The following DCLK1 variants were observed in gnomAD, a reference collection of about 807,000 sequenced individuals.
The protein encoded by DCLK1 is doublecortin like kinase 1, also known as serine/threonine-protein kinase DCLK1.
DCLK1 carries 16 observed loss-of-function variants against 86.2 expected under a neutral mutation model. That is an observed-to-expected ratio of 0.19 (90% CI 0.13 to 0.28). DCLK1 has a LOEUF of 0.28. Among genes scored for constraint, DCLK1 ranks in the 10% least tolerant of loss-of-function variants. The pLI, the probability that DCLK1 is intolerant of heterozygous loss-of-function variation, is 1.00. For synonymous variants in DCLK1, 369 were observed against 370.5 expected, an observed-to-expected ratio of 1.00 and a Z score of 0.05; for missense variants, 590 against 940.2, an observed-to-expected ratio of 0.63 and a Z score of 4.87.
At chr13:35,891,007 GT>G (rs1215289188) in intron 4 of DCLK1, among the ~76,000 whole-genome samples, 1 of 150,700 alleles carries the variant, frequency 6.6e-6, no homozygotes. Context: ...TTTTTATAGT[GT>G]TTTGTCATAT....
At position 35,979,661 on chromosome 13, in the gene DCLK1, G is replaced by A. The variant is rs573122367; in HGVS notation, c.724-32204C>T. On this transcript the variant is annotated intron_variant, in intron 3 of 16. Transcript: ENST00000360631. ...CAGTCAAGTGCTGATGATTCACTGC[G>A]AACAAATCCCAGTGGCGAAAGGCCA... Among the ~76,000 whole-genome samples the A allele has an allele frequency of 2.8e-4, 42 of 152,240 alleles. No individual in the cohort carries two copies. In the South Asian group the frequency reaches 7.3e-3, roughly 26 times the overall value.
chr13:36,109,299 G>A (rs2138184453), intron 3 of DCLK1, among the ~76,000 whole-genome samples: 1 of 152,330 alleles, frequency 6.6e-6, no homozygotes, highest in African/African-American at 2.4e-5. Flanking sequence ...AAAGGACAGA[G>A]CAGAAATGTT....
At position 35,839,188 on chromosome 13, in the gene DCLK1, C is replaced by G; in HGVS notation, c.1036-12G>C. On this transcript the variant is annotated splice_polypyrimidine_tract_variant and intron_variant, in intron 6 of 16. Coordinates refer to ENST00000360631, the MANE Select transcript of DCLK1 (RefSeq NM_001330071.2). Reference sequence around the variant, plus strand: ...CCATGCTGAGAGCTCTGTAGGGGAACAGAAACCGGTAATTCAAAAACTGGG... The same window carrying G: ...CCATGCTGAGAGCTCTGTAGGGGAAGAGAAACCGGTAATTCAAAAACTGGG... 2 of 1,566,664 alleles carry G rather than the reference C, an allele frequency of 1.3e-6. No individual in the cohort carries two copies. The highest frequency in any genetic ancestry group is 2.4e-5 in the South Asian group (2 of 85,016).
intron 3 of DCLK1, among the ~76,000 whole-genome samples, chr13:36,037,853 TA>T (rs1446818898): frequency 6.6e-6 from 1 of 152,018 alleles, no homozygotes; most frequent in South Asian, 2.1e-4. Context: ...ATGTATCAAT[TA>T]AAAAAAGAAA....
chr13:35,850,901 A>G lies in DCLK1; in HGVS notation c.1035+3598T>C, dbSNP rs562841478. The G allele has an allele frequency of 6.3e-5, 46 of 733,416 alleles. No homozygotes were observed. In the African/African-American group the frequency reaches 7.8e-4, roughly 12 times the overall value. The allele number at this position is 733,416 out of a possible 1,614,324, so 45.4% of individuals were successfully genotyped here. On this transcript the variant is annotated intron_variant, in intron 6 of 16. Transcript: ENST00000360631. ...TATTATTAGACCTTTTCAAGTCACC[A>G]ACTTGGATTAGGAGGAAAGATAATA...
chr13:35,795,663 G>T (rs2086793246), intron 15 of DCLK1, among the ~76,000 whole-genome samples: 1 of 152,158 alleles, frequency 6.6e-6, no homozygotes, highest in African/African-American at 2.4e-5. Context: ...GCTCACATCT[G>T]TAATCTCAGC....
intron 4 of DCLK1, among the ~76,000 whole-genome samples, chr13:35,919,146 C>T (rs1411795105): frequency 6.6e-6 from 1 of 152,124 alleles, no homozygotes; most frequent in East Asian, 1.9e-4. Flanking sequence ...CCTGCCTCAG[C>T]CTCCCAAAGT....
At chr13:36,029,520 A>C (rs190362530) in intron 3 of DCLK1, among the ~76,000 whole-genome samples, 2 of 152,254 alleles carry the variant, frequency 1.3e-5, no homozygotes, top group African/African-American at 4.8e-5. Context: ...TGCCAAGGTA[A>C]ATTCAATGCA....
chr13:36,105,882 T>C (rs1410202192), intron 3 of DCLK1, among the ~76,000 whole-genome samples: 2 of 152,150 alleles, frequency 1.3e-5, no homozygotes, highest in Non-Finnish European at 2.9e-5. Flanking sequence ...CATCCCAACA[T>C]GCTCCTGCCA....
intron 3 of DCLK1, among the ~76,000 whole-genome samples, chr13:36,099,662 A>G (rs1465383678): frequency 1.3e-5 from 2 of 152,214 alleles, no homozygotes; most frequent in Admixed American, 1.3e-4. Flanking sequence ...TTTAAACATT[A>G]AAAGACATTT....
rs1165437069 is a variant in DCLK1, at chr13:36,126,112, A to G, written c.26T>C (p.Leu9Pro). ...CTTATCCCGCTCGTCGAAGTGCTCC[A>G]GCTCCATGTCTCTGCCGAAGGACAT... The part of the protein sequence containing the change: MSFGRDME[L>P]EHFDERDKAQ... Residue 9 changes from leucine to proline, a missense_variant, in exon 2 of 17, where the codon CTG becomes CCG. This residue lies in a region of DCLK1 where 50 missense variants were observed against 47.8 expected (regional missense o/e 1.05). Coordinates refer to ENST00000360631, the MANE Select transcript of DCLK1 (RefSeq NM_001330071.2). 3.7e-6 allele frequency: 6 copies of G among 1,602,030 alleles called. No homozygotes were observed. Among genetic ancestry groups the G allele is most frequent in the Non-Finnish European group, 5.1e-6 (6 of 1,174,338 alleles).
chr13:35,854,648 T>G, intron 5 of DCLK1, 55 bp from the exon 6 acceptor site: 1 of 1,437,720 alleles, frequency 7.0e-7, no homozygotes, highest in East Asian at 2.4e-5. Flanking sequence ...ATAATTTTCA[T>G]GACAAATCAT....
At chr13:36,035,836 T>C (rs1374127848) in intron 3 of DCLK1, among the ~76,000 whole-genome samples, 1 of 152,194 alleles carries the variant, frequency 6.6e-6, no homozygotes, top group African/African-American at 2.4e-5. Context: ...ACATAAGTTT[T>C]AGGGCAATTT....
intron 4 of DCLK1, among the ~76,000 whole-genome samples, chr13:35,907,493 C>T (rs913332626): frequency 7.2e-5 from 11 of 152,168 alleles, no homozygotes; most frequent in Non-Finnish European, 1.5e-4. Context: ...AACTCCCAAG[C>T]TTCCCTTTTT....
chr13:35,905,437 G>A (rs1221572931), intron 4 of DCLK1, among the ~76,000 whole-genome samples: 7 of 152,292 alleles, frequency 4.6e-5, no homozygotes, highest in Non-Finnish European at 1.0e-4. Flanking sequence ...GCCAGGAGGC[G>A]CACAGCCCTG....
chr13:35,829,140 GC>G (rs1486190555), intron 8 of DCLK1, among the ~76,000 whole-genome samples: 1 of 152,120 alleles, frequency 6.6e-6, no homozygotes, highest in Non-Finnish European at 1.5e-5. Context: ...AGTTCTCCAG[GC>G]CCCTGCTCCC....
chr13:35,827,617 TC>T lies in DCLK1; in HGVS notation c.1407+17del. ...CGGTGCCATCAATAAAGACTTACTT[TC>T]TTTCCAAAATACACACCTTTACTAA... On this transcript the variant is annotated intron_variant, in intron 10 of 16. Coordinates refer to ENST00000360631, the MANE Select transcript of DCLK1 (RefSeq NM_001330071.2). The T allele has an allele frequency of 6.2e-7, 1 of 1,613,500 alleles. No individual in the cohort carries two copies.
At chr13:35,809,466 G>A (rs1009108022) in intron 12 of DCLK1, among the ~76,000 whole-genome samples, 2 of 152,154 alleles carry the variant, frequency 1.3e-5, no homozygotes, top group Admixed American at 6.5e-5. Context: ...TTTCTAGAAC[G>A]TTTTCCAATT....
intron 3 of DCLK1, among the ~76,000 whole-genome samples, chr13:36,102,977 G>A (rs767205985): frequency 1.3e-5 from 2 of 152,196 alleles, no homozygotes. Context: ...GAGAGGGAAT[G>A]GCTTGATACG....
Sources: allele counts gnomAD v4.1 joint callset (sites outside exome capture counted in the v4.1 genomes callset), GRCh38; gene constraint gnomAD v4.1.1; regional missense constraint gnomAD v4.1.1; transcripts MANE v1.5; gene names NCBI Gene and HGNC (gene_info 2026-07-23, HGNC 2026-07-21).